Variants in ZNF519 observed in about 807,000 individuals in gnomAD.
ZNF519 encodes zinc finger protein 519.
In ZNF519, 7 loss-of-function variants were observed where a neutral mutation model predicts 7.4. The ratio of observed to expected loss-of-function variants is 0.94; its 90% confidence interval spans 0.54 to 1.77. The LOEUF (loss-of-function observed/expected upper bound fraction) is 1.77, where lower values mean the gene tolerates loss of function less well. Ranked by LOEUF, ZNF519 falls within the 40% of genes most tolerant of loss-of-function variation. ZNF519 has a pLI of 0.00. For missense variants in ZNF519, 586 were observed against 623.1 expected, an observed-to-expected ratio of 0.94 and a Z score of 0.63; for synonymous variants, 179 against 203.3, an observed-to-expected ratio of 0.88 and a Z score of 1.02.
intron 2 of ZNF519, among the ~76,000 whole-genome samples, chr18:14,087,812 CATT>C (rs57913448): frequency 0.012 from 1,819 of 152,298 alleles, 47 homozygotes; most frequent in African/African-American, 0.041. Context: ...ACAATACCAT[CATT>C]GTCATCACCA....
chr18:14,101,428 A>G lies in ZNF519; in HGVS notation c.*3489T>C, dbSNP rs997692553. 1 of 364,740 alleles carries G rather than the reference A, an allele frequency of 2.7e-6. No individual in the cohort carries two copies. The highest frequency in any genetic ancestry group is 4.6e-5 in the Admixed American group (1 of 21,760). 22.6% of individuals were successfully genotyped at this position (364,740 alleles called of 1,614,324 possible). A position where few individuals can be genotyped will look rare whatever the true frequency, so the allele number is the denominator to read the frequency against. On this transcript the variant is annotated 3_prime_UTR_variant, in exon 3 of 3. Transcript: ENST00000590202. ...ATAACATGAAGTGAAAGTAAAATAT[A>G]AATAATTTTCCTAGATATTCTTACA...
At chr18:14,110,136 A>G (rs932272470) in intron 2 of ZNF519, among the ~76,000 whole-genome samples, 7 of 152,198 alleles carry the variant, frequency 4.6e-5, no homozygotes, top group African/African-American at 1.7e-4. Flanking sequence ...AAAACTGGCA[A>G]GCCACACATA....
At chr18:14,122,782 A>AT (rs982896086) in intron 2 of ZNF519, among the ~76,000 whole-genome samples, 101 of 149,880 alleles carry the variant, frequency 6.7e-4, no homozygotes, top group African/African-American at 1.9e-3. Flanking sequence ...TTTCCAAGTG[A>AT]TTTTTTTTTT....
intron 2 of ZNF519, among the ~76,000 whole-genome samples, chr18:14,087,652 G>C (rs898113557): frequency 6.6e-6 from 1 of 152,120 alleles, no homozygotes; most frequent in African/African-American, 2.4e-5. Flanking sequence ...TGGGTCATTT[G>C]TTTTCTCATT....
Position 14,105,253 on chromosome 18 carries a change from C to T in ZNF519, c.1287G>A (p.Glu429=), listed in dbSNP as rs1350050969. Reference sequence around the variant, plus strand: ...CACATTCTTTACATTTGAAGTGTTTCTCTCCAGTATGGATTCTCTGATGTT... The same window carrying T: ...CACATTCTTTACATTTGAAGTGTTTTTCTCCAGTATGGATTCTCTGATGTT... ...LTQHQRIHTG[E]KHFKCKECGK... is the part of the protein sequence containing the mutation. The change falls in exon 3 of 3, where the codon GAG becomes GAA. Residue 429 remains glutamate (E), a synonymous_variant. Coordinates refer to ENST00000590202, the MANE Select transcript of ZNF519 (RefSeq NM_145287.4). 1 of 1,613,246 alleles carries T rather than the reference C, an allele frequency of 6.2e-7. No homozygotes were observed. The highest frequency in any genetic ancestry group is 2.2e-5 in the East Asian group (1 of 44,854).
At chr18:14,125,359 G>A (rs536856741) in intron 1 of ZNF519, among the ~76,000 whole-genome samples, 52 of 152,322 alleles carry the variant, frequency 3.4e-4, no homozygotes, top group Non-Finnish European at 6.3e-4. Context: ...GTGCCCAAGA[G>A]TATGTCACAG....
rs78759258 is a variant in ZNF519, at chr18:14,079,748, T to C, written c.*178-1450A>G. Among the ~76,000 whole-genome samples, 1,173 of 152,218 alleles carry C rather than the reference T, an allele frequency of 7.7e-3. 18 individuals carry two copies. The highest frequency in any genetic ancestry group is 0.026 in the African/African-American group (1,071 of 41,532). On this transcript the variant is annotated intron_variant and NMD_transcript_variant, in intron 3 of 4. Transcript: ENST00000587419. ...ACAGACCTTAACATCTTCACCAAAATGAACACAAAATAGATTACAAGTCTA... is the reference window on the plus strand; with the variant it reads ...ACAGACCTTAACATCTTCACCAAAACGAACACAAAATAGATTACAAGTCTA...
intron 2 of ZNF519, among the ~76,000 whole-genome samples, chr18:14,110,899 T>C (rs2046216899): frequency 6.6e-6 from 1 of 152,026 alleles, no homozygotes; most frequent in Non-Finnish European, 1.5e-5. Flanking sequence ...GGGGGAAGGC[T>C]GGGAGGCGGG....
At chr18:14,097,404 G>A (rs774831437), downstream of ZNF519, among the ~76,000 whole-genome samples, 2 of 152,178 alleles carry the variant, frequency 1.3e-5, no homozygotes, top group Non-Finnish European at 2.9e-5. Context: ...ATGGAGTGTA[G>A]TATGTGTAAA....
intron 2 of ZNF519, among the ~76,000 whole-genome samples, chr18:14,118,976 T>C (rs77883965): frequency 0.012 from 1,851 of 152,268 alleles, 42 homozygotes; most frequent in African/African-American, 0.042. Context: ...TGGCTCATCA[T>C]ATGCAGACAA....
At position 14,105,164 on chromosome 18, in the gene ZNF519, GA is replaced by G; in HGVS notation, c.1375del (p.Ser459LeufsTer78). On this transcript the variant is annotated frameshift_variant, in exon 3 of 3. Coordinates refer to ENST00000590202, the MANE Select transcript of ZNF519 (RefSeq NM_145287.4). LOFTEE classifies it low-confidence loss of function (END_TRUNC). ...TTTGCCACATTCTTCACATTTGAAAGACTTCTCTCCAGTATGGATTCTTTGA... is the reference window on the plus strand; with the variant it reads ...TTTGCCACATTCTTCACATTTGAAAGCTTCTCTCCAGTATGGATTCTTTGA... ...RHQRIHTGEKSFKCEECGKAF... is the reference protein window; with the variant it reads ...RHQRIHTGEKXFKCEECGKAF... The G allele has an allele frequency of 6.2e-7, 1 of 1,613,004 alleles. No individual in the cohort carries two copies. Among genetic ancestry groups the G allele is most frequent in the East Asian group, 2.2e-5 (1 of 44,846 alleles).
chr18:14,098,017 T>A (rs2046144204), downstream of ZNF519, among the ~76,000 whole-genome samples: 1 of 152,126 alleles, frequency 6.6e-6, no homozygotes, highest in Non-Finnish European at 1.5e-5. Flanking sequence ...AGAGCTCTCA[T>A]CATTGATAAC....
intron 2 of ZNF519, among the ~76,000 whole-genome samples, chr18:14,085,841 GTGGAAAAC>G (rs2046088302): frequency 6.6e-6 from 1 of 152,172 alleles, no homozygotes; most frequent in South Asian, 2.1e-4. Context: ...CCAGCACTTG[GTGGAAAAC>G]TGCAGCCCCA....
chr18:14,098,996 A>G (rs2046148799), downstream of ZNF519, among the ~76,000 whole-genome samples: 1 of 152,132 alleles, frequency 6.6e-6, no homozygotes, highest in African/African-American at 2.4e-5. Context: ...TGTTTTTGTG[A>G]CACAGAATCT....
intron 2 of ZNF519, among the ~76,000 whole-genome samples, chr18:14,118,694 A>C (rs2046257088): frequency 6.6e-6 from 1 of 152,146 alleles, no homozygotes; most frequent in East Asian, 1.9e-4. Flanking sequence ...GAGGATCCTG[A>C]AGCAGTTCTG....
Position 14,105,916 on chromosome 18 carries a change from A to G in ZNF519, c.624T>C (p.Pro208=). The change falls in exon 3 of 3, where the codon CCT becomes CCC. Residue 208 remains proline (P), a synonymous_variant. Coordinates refer to ENST00000590202, the MANE Select transcript of ZNF519 (RefSeq NM_145287.4). ...FPENIHIQKK[P]YNSNECGETS... Reference sequence around the variant, plus strand: ...TTTCACCACATTCATTAGAGTTGTAAGGCTTTTTTTGAATATGGATATTTT... The same window carrying G: ...TTTCACCACATTCATTAGAGTTGTAGGGCTTTTTTTGAATATGGATATTTT... 1 of 1,610,290 alleles carries G rather than the reference A, an allele frequency of 6.2e-7. No homozygotes were observed. Among genetic ancestry groups the G allele is most frequent in the Non-Finnish European group, 8.5e-7 (1 of 1,178,890 alleles).
rs575557424 is a variant in ZNF519, at chr18:14,116,197, CTTCT to C, written c.130+8149_130+8152del. Among the ~76,000 whole-genome samples, 59 of 152,240 alleles carry C rather than the reference CTTCT, an allele frequency of 3.9e-4. No individual in the cohort carries two copies. In the South Asian group the frequency reaches 0.012, roughly 31 times the overall value. On this transcript the variant is annotated intron_variant, in intron 2 of 2. Transcript: ENST00000590202. The stretch of plus-strand genomic sequence containing the variant: ...AACTTAACAAACTCTTTAAGATACT[CTTCT>C]TTAAGTGTCAGGAGATTTAATATTG...
chr18:14,127,935 T>TAATG (rs2046308907), intron 1 of ZNF519, among the ~76,000 whole-genome samples: 1 of 151,428 alleles, frequency 6.6e-6, no homozygotes, highest in Non-Finnish European at 1.5e-5. Context: ...GTGTATAACA[T>TAATG]CTAGTAATGC....
At chr18:14,124,558 T>C in intron 1 of ZNF519, 82 bp from the exon 2 acceptor site, 1 of 1,491,538 alleles carries the variant, frequency 6.7e-7, no homozygotes, top group South Asian at 1.2e-5. Context: ...CTGACTTATG[T>C]GGCTGACTAG....
Sources: gnomAD v4.1 joint callset for allele counts (sites outside exome capture counted in the v4.1 genomes callset) on GRCh38, gnomAD v4.1.1 for gene constraint, MANE v1.5 for transcripts, NCBI Gene and HGNC (gene_info 2026-07-23, HGNC 2026-07-21) for gene names.